The following AFF2 variants were observed in gnomAD, a reference collection of about 807,000 sequenced individuals.
The protein encoded by AFF2 is ALF transcription elongation factor 2, also known as AF4/FMR2 family member 2.
Under a neutral mutation model 76.9 loss-of-function variants are expected in AFF2, and 14 were observed. That is an observed-to-expected ratio of 0.18 (90% CI 0.12 to 0.28). The LOEUF (loss-of-function observed/expected upper bound fraction) is 0.28. Ranked by LOEUF, AFF2 falls within the 10% of genes least tolerant of loss-of-function variation. The probability of loss-of-function intolerance (pLI) is 1.00; values close to 1 mark genes in which losing one functional copy is unlikely to be tolerated. For synonymous variants in AFF2, 398 were observed against 366.7 expected, an observed-to-expected ratio of 1.09 and a Z score of -0.98; for missense variants, 868 against 1,001.1, an observed-to-expected ratio of 0.87 and a Z score of 1.79.
intron 9 of AFF2, among the ~76,000 whole-genome samples, chrX:148,919,772 A>T (rs2071572221): frequency 9.0e-6 from 1 of 110,871 alleles, no homozygotes; most frequent in Non-Finnish European, 1.9e-5. Context: ...TACCCTTAAT[A>T]AAAAAAAGAA....
At chrX:148,579,186 A>C (rs1298621222) in intron 1 of AFF2, among the ~76,000 whole-genome samples, 1 of 112,183 alleles carries the variant, frequency 8.9e-6, no homozygotes, top group Non-Finnish European at 1.9e-5. Flanking sequence ...ATTTGGAATA[A>C]AAGCATTTTT....
chrX:148,769,388 A>C (rs782355056), intron 3 of AFF2, among the ~76,000 whole-genome samples: 1 of 111,584 alleles, frequency 9.0e-6, no homozygotes, highest in East Asian at 2.8e-4. Context: ...CATGAATAGC[A>C]AGAATACAAA....
intron 9 of AFF2, among the ~76,000 whole-genome samples, chrX:148,939,940 C>T (rs782764784): frequency 9.8e-5 from 11 of 112,089 alleles, no homozygotes; most frequent in African/African-American, 3.6e-4. Flanking sequence ...GGCACAGTTA[C>T]CTGAAATGAG....
intron 20 of AFF2, among the ~76,000 whole-genome samples, chrX:148,989,366 G>C (rs1272854848): frequency 8.9e-6 from 1 of 112,447 alleles, no homozygotes; most frequent in Admixed American, 9.4e-5. Context: ...TGTGATGGCT[G>C]TGCTGATGTT....
chrX:148,897,247 ATATATATATATATATATATATATATG>A (rs1229688167), intron 8 of AFF2, among the ~76,000 whole-genome samples: 697 of 36,009 alleles, frequency 0.019, 56 homozygotes, highest in South Asian at 0.11. Context: ...ATATATATAT[ATATATATATATATATATATATATATG>A]TATATGAAAA....
intron 1 of AFF2, among the ~76,000 whole-genome samples, chrX:148,565,909 CAT>C (rs201250947): frequency 1.4e-4 from 15 of 109,225 alleles, no homozygotes; most frequent in African/African-American, 4.7e-4. Flanking sequence ...GTTAAAAGTT[CAT>C]ATATATATAT....
At chrX:148,726,011 G>A (rs1388725142) in intron 3 of AFF2, among the ~76,000 whole-genome samples, 4 of 111,798 alleles carry the variant, frequency 3.6e-5, no homozygotes, top group African/African-American at 9.8e-5. Context: ...AGACCACCCA[G>A]TATTCATTGA....
In AFF2 at chrX:148,999,105, T is replaced by A. The variant is rs1456625142; in HGVS notation, c.*7773T>A. 2.7e-5 allele frequency: 3 copies of A among 111,704 alleles called. No individual in the cohort carries two copies. The highest frequency in any genetic ancestry group is 5.6e-5 in the Non-Finnish European group (3 of 53,158). 9.2% of individuals were successfully genotyped at this position (111,704 alleles called of 1,213,427 possible). On this transcript the variant is annotated 3_prime_UTR_variant, in exon 21 of 21. Coordinates refer to ENST00000370460, the MANE Select transcript of AFF2 (RefSeq NM_002025.4). Reference sequence around the variant, plus strand: ...TCAAAAGAGCACTTTAATAATATCCTCTGAGACCTAATGCAGTTTAACAAA... The same window carrying A: ...TCAAAAGAGCACTTTAATAATATCCACTGAGACCTAATGCAGTTTAACAAA...
chrX:148,577,538 C>T (rs1360847321), intron 1 of AFF2, among the ~76,000 whole-genome samples: 2 of 112,003 alleles, frequency 1.8e-5, no homozygotes, highest in Non-Finnish European at 3.8e-5. Context: ...TTAGTAATAC[C>T]ATTAACAAAT....
intron 1 of AFF2, among the ~76,000 whole-genome samples, chrX:148,564,444 C>T (rs1230608587): frequency 1.0e-5 from 1 of 100,321 alleles, no homozygotes; most frequent in African/African-American, 3.6e-5. Context: ...TCCTCCAAAG[C>T]ATTTGGTAGT....
chrX:148,740,350 A>AT (rs1168737417), intron 3 of AFF2, among the ~76,000 whole-genome samples: 5 of 109,276 alleles, frequency 4.6e-5, no homozygotes, highest in Non-Finnish European at 9.6e-5. Context: ...GTATTTTCTT[A>AT]TTTTTTTTTC....
intron 4 of AFF2, among the ~76,000 whole-genome samples, chrX:148,813,051 C>G (rs1280031207): frequency 8.9e-6 from 1 of 112,481 alleles, no homozygotes; most frequent in African/African-American, 3.2e-5. Context: ...ATGTGTCAAC[C>G]TTATTTTCCT....
At chrX:148,517,895 C>A (rs1226100298) in intron 1 of AFF2, among the ~76,000 whole-genome samples, 1 of 107,584 alleles carries the variant, frequency 9.3e-6, no homozygotes, top group African/African-American at 3.4e-5. Context: ...TGGTGGCGGG[C>A]GCCTGTAGTC....
chrX:148,743,858 A>G (rs2055390096), intron 3 of AFF2, among the ~76,000 whole-genome samples: 1 of 111,237 alleles, frequency 9.0e-6, no homozygotes. Context: ...GGAGTGTGGA[A>G]TGCTTGCAAA....
intron 7 of AFF2, among the ~76,000 whole-genome samples, chrX:148,855,459 G>T (rs1188272371): frequency 9.0e-6 from 1 of 111,352 alleles, no homozygotes; most frequent in East Asian, 2.8e-4. Context: ...TTCAGCAGCC[G>T]GTACAGGAAG....
chrX:148,948,909 A>G (rs1432988192), intron 9 of AFF2, among the ~76,000 whole-genome samples: 1 of 111,191 alleles, frequency 9.0e-6, no homozygotes, highest in Non-Finnish European at 1.9e-5. Context: ...TGCAGGGTTC[A>G]CTGGCATGCA....
intron 3 of AFF2, among the ~76,000 whole-genome samples, chrX:148,694,627 A>G (rs7887684): frequency 0.014 from 1,589 of 111,424 alleles, 32 homozygotes; most frequent in African/African-American, 0.046. Flanking sequence ...TGCTGCTTTA[A>G]CTCCAAGAGA....
At chrX:148,777,344 T>A (rs1557268668) in intron 3 of AFF2, among the ~76,000 whole-genome samples, 1 of 112,101 alleles carries the variant, frequency 8.9e-6, no homozygotes, top group Non-Finnish European at 1.9e-5. Flanking sequence ...TACGGGCTCT[T>A]TTTTGGTTCC....
At chrX:148,839,273 G>A (rs1557274073) in intron 5 of AFF2, among the ~76,000 whole-genome samples, 1 of 112,018 alleles carries the variant, frequency 8.9e-6, no homozygotes, top group African/African-American at 3.3e-5. Context: ...CTAAAATGGT[G>A]AAAGCAAGAA....
Sources: gnomAD v4.1 joint callset for allele counts (sites outside exome capture counted in the v4.1 genomes callset) on GRCh38, gnomAD v4.1.1 for gene constraint, MANE v1.5 for transcripts, NCBI Gene and HGNC (gene_info 2026-07-23, HGNC 2026-07-21) for gene names.